The following HIKESHI variants were observed in gnomAD, a reference collection of about 807,000 sequenced individuals.
The protein encoded by HIKESHI is heat shock protein nuclear import factor hikeshi, also known as protein Hikeshi.
A neutral mutation model predicts 25.7 loss-of-function variants in HIKESHI; 13 were observed. The observed-to-expected ratio is 0.51, with a 90% confidence interval of 0.33 to 0.80. HIKESHI has a LOEUF of 0.80. Among genes scored for constraint, HIKESHI ranks in the 30% least tolerant of loss-of-function variants. The pLI is 0.02. For synonymous variants in HIKESHI, 76 were observed against 78.7 expected (o/e 0.97, Z 0.18); for missense variants, 174 against 229.5 (o/e 0.76, Z 1.56).
In HIKESHI at chr11:86,316,771, C is replaced by CTTTTTTTTTTTTTTTTTTTTTTTTTTTTT. The variant is rs71040229; in HGVS notation, c.268+10301_268+10329dup. 7.3e-5 allele frequency among the ~76,000 whole-genome samples: 5 copies of CTTTTTTTTTTTTTTTTTTTTTTTTTTTTT among 68,778 alleles called. 1 individual carries two copies. The highest frequency in any genetic ancestry group is 8.0e-5 in the Non-Finnish European group (3 of 37,484). The allele number at this position is 68,778 out of a possible 152,430, so 45.1% of individuals were successfully genotyped here. On this transcript the variant is annotated intron_variant, in intron 2 of 4. Coordinates refer to ENST00000278483, the MANE Select transcript of HIKESHI (RefSeq NM_016401.4). ...TTATGAGTAATGAATCTGAAACATT[C>CTTTTTTTTTTTTTTTTTTTTTTTTTTTTT]TTTTTTTTTTTTTTTTTTTTTTTTT... is the stretch of plus-strand genomic sequence containing the variant.
At chr11:86,311,754 G>T (rs1447209914) in intron 2 of HIKESHI, among the ~76,000 whole-genome samples, 1 of 152,080 alleles carries the variant, frequency 6.6e-6, no homozygotes, top group African/African-American at 2.4e-5. Context: ...TTTCTGGTAT[G>T]CTGTGTCTTT....
intron 2 of HIKESHI, among the ~76,000 whole-genome samples, chr11:86,324,645 A>G (rs535714475): frequency 2.0e-5 from 3 of 152,288 alleles, no homozygotes; most frequent in Admixed American, 6.5e-5. Flanking sequence ...AAAATATAAG[A>G]ATAGGTGAAT....
At chr11:86,309,421 A>G (rs1946773706) in intron 2 of HIKESHI, among the ~76,000 whole-genome samples, 1 of 151,498 alleles carries the variant, frequency 6.6e-6, no homozygotes, top group South Asian at 2.1e-4. Flanking sequence ...GGGCTGTTTG[A>G]TTTTTTTCTT....
At chr11:86,338,711 T>A (rs1035985456) in intron 3 of HIKESHI, among the ~76,000 whole-genome samples, 3 of 152,180 alleles carry the variant, frequency 2.0e-5, no homozygotes, top group African/African-American at 7.2e-5. Flanking sequence ...TGGACTGAAT[T>A]GAGAATGACA....
At chr11:86,304,943 G>C (rs1946583691) in intron 1 of HIKESHI, among the ~76,000 whole-genome samples, 1 of 152,188 alleles carries the variant, frequency 6.6e-6, no homozygotes, top group South Asian at 2.1e-4. Flanking sequence ...CAGGATTTGT[G>C]AATAAGGAGG....
chr11:86,321,233 C>T (rs939991701), intron 2 of HIKESHI, among the ~76,000 whole-genome samples: 5 of 152,010 alleles, frequency 3.3e-5, no homozygotes, highest in Non-Finnish European at 5.9e-5. Flanking sequence ...GTGCCTGGCC[C>T]GTTTTTTTCA....
At chr11:86,323,290 A>G (rs937569706) in intron 2 of HIKESHI, among the ~76,000 whole-genome samples, 6 of 152,168 alleles carry the variant, frequency 3.9e-5, no homozygotes, top group Admixed American at 3.3e-4. Context: ...AAAAGGAAAG[A>G]AATAAATGTA....
At chr11:86,305,213 TG>T (rs1946592684) in intron 1 of HIKESHI, among the ~76,000 whole-genome samples, 1 of 151,750 alleles carries the variant, frequency 6.6e-6, no homozygotes, top group African/African-American at 2.4e-5. Context: ...TTGCCCTGGC[TG>T]GTCTTGAACT....
chr11:86,341,129 G>A (rs1947714403), intron 3 of HIKESHI, among the ~76,000 whole-genome samples: 1 of 152,018 alleles, frequency 6.6e-6, no homozygotes, highest in Non-Finnish European at 1.5e-5. Context: ...TGTTATAGAT[G>A]TTTTCTATTT....
intron 2 of HIKESHI, among the ~76,000 whole-genome samples, chr11:86,320,318 C>T (rs138848116): frequency 5.1e-4 from 77 of 152,356 alleles, no homozygotes; most frequent in African/African-American, 1.7e-3. Flanking sequence ...TGGCTCACGC[C>T]TGTAATCCCA....
intron 2 of HIKESHI, among the ~76,000 whole-genome samples, chr11:86,332,265 G>C (rs535819093): frequency 5.3e-5 from 8 of 151,836 alleles, no homozygotes; most frequent in Non-Finnish European, 8.8e-5. Context: ...TGCCCGGCCC[G>C]TAACTGTTTT....
intron 2 of HIKESHI, among the ~76,000 whole-genome samples, chr11:86,335,208 C>G (rs1947521274): frequency 1.3e-5 from 2 of 151,960 alleles, no homozygotes; most frequent in African/African-American, 4.8e-5. Flanking sequence ...TGCTAGAAGA[C>G]TGTTTAAAAA....
intron 2 of HIKESHI, among the ~76,000 whole-genome samples, chr11:86,319,371 A>G (rs998883562): frequency 1.3e-5 from 2 of 150,650 alleles, no homozygotes; most frequent in South Asian, 4.2e-4. Flanking sequence ...CCGAGGAGCT[A>G]GGATCACAAG....
chr11:86,341,140 A>T (rs1470247679), intron 3 of HIKESHI, among the ~76,000 whole-genome samples: 4 of 152,062 alleles, frequency 2.6e-5, no homozygotes, highest in Non-Finnish European at 4.4e-5. Flanking sequence ...TTTTCTATTT[A>T]TTTGCTAATA....
rs762035750 is a variant in HIKESHI at position 86,306,290 on chromosome 11, G to C, written c.76G>C (p.Asp26His). Reference sequence around the variant, plus strand: ...AGTGGCAGAGGATAAATTTGTTTTTGACTTACCTGATTATGAAAGTATCAA... The same window carrying C: ...AGTGGCAGAGGATAAATTTGTTTTTCACTTACCTGATTATGAAAGTATCAA... ...QQVAEDKFVF[D>H]LPDYESINHV... The change falls in exon 2 of 5, where the codon GAC (aspartate) becomes CAC (histidine). Residue 26 changes from aspartate to histidine, a missense_variant. Transcript: ENST00000278483. 1.2e-6 allele frequency: 2 copies of C among 1,613,938 alleles called. No individual in the cohort carries two copies. Among genetic ancestry groups the C allele is most frequent in the South Asian group, 2.2e-5 (2 of 91,036 alleles).
intron 3 of HIKESHI, among the ~76,000 whole-genome samples, chr11:86,339,653 A>G (rs2138418652): frequency 6.6e-6 from 1 of 152,352 alleles, no homozygotes; most frequent in South Asian, 2.1e-4. Context: ...TATGTATAGT[A>G]CTATCTGTAT....
At position 86,337,399 on chromosome 11, in the gene HIKESHI, T is replaced by G; in HGVS notation, c.289T>G (p.Phe97Val). The change falls in exon 3 of 5, where the codon TTT (phenylalanine) becomes GTT (valine). Residue 97 changes from phenylalanine (F) to valine (V), a missense_variant. Transcript: ENST00000278483. ...LKSGEGSQHP[F>V]GAMNIVRTPS... Reference sequence around the variant, plus strand: ...TGCAGGAGAAGGAAGCCAACATCCTTTTGGAGCCATGAATATTGTCCGAAC... The same window carrying G: ...TGCAGGAGAAGGAAGCCAACATCCTGTTGGAGCCATGAATATTGTCCGAAC... The G allele has an allele frequency of 6.2e-7, 1 of 1,613,368 alleles. No individual in the cohort carries two copies. The highest frequency in any genetic ancestry group is 1.1e-5 in the South Asian group (1 of 90,792).
intron 2 of HIKESHI, among the ~76,000 whole-genome samples, chr11:86,336,654 C>T (rs1306061185): frequency 6.6e-6 from 1 of 152,122 alleles, no homozygotes; most frequent in Non-Finnish European, 1.5e-5. Flanking sequence ...GTTATAGCAG[C>T]CTGAACAGAC....
At chr11:86,342,345 G>A (rs1452800549) in intron 3 of HIKESHI, among the ~76,000 whole-genome samples, 7 of 152,060 alleles carry the variant, frequency 4.6e-5, no homozygotes, top group Admixed American at 4.6e-4. Context: ...TGCTTATAGT[G>A]ACTTTTACAT....
Sources: gnomAD v4.1 joint callset for allele counts (sites outside exome capture counted in the v4.1 genomes callset) on GRCh38, gnomAD v4.1.1 for gene constraint, MANE v1.5 for transcripts, NCBI Gene and HGNC (gene_info 2026-07-23, HGNC 2026-07-21) for gene names.